Variants in UBR4 observed in about 807,000 individuals in gnomAD.
The protein encoded by UBR4 is E3 ubiquitin-protein ligase UBR4.
In UBR4, 124 loss-of-function variants were observed where a neutral mutation model predicts 575.6. That is an observed-to-expected ratio of 0.22 (90% CI 0.19 to 0.25). The LOEUF (loss-of-function observed/expected upper bound fraction) is 0.25. Among genes scored for constraint, UBR4 ranks in the 10% least tolerant of loss-of-function variants. The pLI is 1.00. For synonymous variants in UBR4, 2,455 were observed against 2,473.7 expected (o/e 0.99, Z 0.22); for missense variants, 4,818 against 6,478.8 (o/e 0.74, Z 8.80).
At position 19,121,251 on chromosome 1, in the gene UBR4, G is replaced by A; in HGVS notation, c.10079C>T (p.Thr3360Ile). Residue 3360 changes from threonine (T) to isoleucine (I), a missense_variant, in exon 68 of 106, where the codon ACA becomes ATA. Around this residue, in one of 29 missense-constraint regions of UBR4, gnomAD observed 550 missense variants for 791.5 expected, o/e 0.69. Transcript: ENST00000375254. Reference protein sequence around the residue: ...APVAASSGQATTQSKSSTKKS... With the variant: ...APVAASSGQAITQSKSSTKKS... ...TTTAGTGGAAGACTTGGACTGTGTT[G>A]TGGCTTGTCCAGAACTGGCAGCCAC... 6.2e-7 allele frequency: 1 copy of A among 1,614,102 alleles called. No individual in the cohort carries two copies. The highest frequency in any genetic ancestry group is 8.5e-7 in the Non-Finnish European group (1 of 1,180,024).
At chr1:19,178,255 G>C (rs989031910) in intron 18 of UBR4, among the ~76,000 whole-genome samples, 2 of 152,116 alleles carry the variant, frequency 1.3e-5, no homozygotes, top group African/African-American at 4.8e-5. Context: ...CAATAAAAAA[G>C]AAAATATACT....
chr1:19,149,071 C>T (rs1196088654), intron 49 of UBR4, among the ~76,000 whole-genome samples: 1 of 152,158 alleles, frequency 6.6e-6, no homozygotes, highest in African/African-American at 2.4e-5. Context: ...TGCACAAAGG[C>T]ATTTCCTAGG....
chr1:19,149,929 G>A, intron 49 of UBR4: 2 of 450,070 alleles, frequency 4.4e-6, no homozygotes, highest in South Asian at 4.7e-5. Context: ...GGAGGGAGGA[G>A]GCTGGTGGTG....
chr1:19,105,778 G>A lies in UBR4; in HGVS notation c.12458C>T (p.Ala4153Val). Residue 4153 changes from alanine to valine, a missense_variant, in exon 84 of 106, where the codon GCC becomes GTC. This residue lies in a region of UBR4 where 178 missense variants were observed against 175.5 expected (regional missense o/e 1.01). Coordinates refer to ENST00000375254, the MANE Select transcript of UBR4 (RefSeq NM_020765.3). ...QAACTIVEAL[A>V]TIPSRKQQVL... ...CTGCTGCTTGCGGCTGGGAATGGTG[G>A]CTAGAGCTTCCACAATGGTACAGGC... The A allele has an allele frequency of 6.2e-7, 1 of 1,610,742 alleles. No individual in the cohort carries two copies. Among genetic ancestry groups the A allele is most frequent in the Non-Finnish European group, 8.5e-7 (1 of 1,179,062 alleles).
rs754860771 is a variant in UBR4 at position 19,126,673 on chromosome 1, T to C, written c.9229-18A>G. On this transcript the variant is annotated intron_variant, in intron 63 of 105. Coordinates refer to ENST00000375254, the MANE Select transcript of UBR4 (RefSeq NM_020765.3). The stretch of plus-strand genomic sequence containing the variant: ...GAAGATGACTGGGAGACAGAGAAAA[T>C]ACAGAGATGGGAAGAATGGCTTGTA... The C allele has an allele frequency of 3.1e-6, 5 of 1,610,802 alleles. No individual in the cohort carries two copies. In the South Asian group the frequency reaches 5.5e-5, roughly 18 times the overall value.
At chr1:19,188,377 G>T (rs1340728602) in intron 11 of UBR4, among the ~76,000 whole-genome samples, 2 of 151,994 alleles carry the variant, frequency 1.3e-5, no homozygotes, top group East Asian at 3.9e-4. Context: ...AACATGGCAA[G>T]ACCCCATCTC....
In UBR4 at chr1:19,193,324, G is replaced by C. The variant is rs569690815; in HGVS notation, c.1143+109C>G. ...GACCTACTAGTGCCCAGGGAAAGTA[G>C]TGTGGAGAATACTCTAAGTTCTTTC... On this transcript the variant is annotated intron_variant, in intron 9 of 105. Coordinates refer to ENST00000375254, the MANE Select transcript of UBR4 (RefSeq NM_020765.3). The C allele has an allele frequency of 1.0e-4, 149 of 1,451,802 alleles. No homozygotes were observed. The African/African-American group carries it at 1.9e-3, about 19-fold the overall frequency. 89.9% of individuals were successfully genotyped at this position (1,451,802 alleles called of 1,614,324 possible).
At chr1:19,092,751 C>A in intron 97 of UBR4, 68 bp downstream of exon 97, 1 of 1,337,554 alleles carries the variant, frequency 7.5e-7, no homozygotes. Flanking sequence ...TAAGTCATGT[C>A]TCAAGGTAAA....
rs1443926199 is a variant in UBR4 at position 19,185,450 on chromosome 1, C to T, written c.1751-164G>A. ...GTATCAAAACTCATCTAAATGCATA[C>T]ATAAAATAAGAGCAAAACTGATCAT... On this transcript the variant is annotated intron_variant, in intron 14 of 105. Transcript: ENST00000375254. Among the ~76,000 whole-genome samples the T allele has an allele frequency of 3.3e-5, 5 of 151,906 alleles. No homozygotes were observed. Among genetic ancestry groups the T allele is most frequent in the African/African-American group, 9.7e-5 (4 of 41,322 alleles).
chr1:19,149,725 A>G, intron 49 of UBR4: 1 of 1,293,382 alleles, frequency 7.7e-7, no homozygotes, highest in Non-Finnish European at 1.0e-6. Context: ...TCTGACACAC[A>G]CTCACTCGTG....
chr1:19,195,969 TACACACACACACACACACAC>T (rs55820713), intron 8 of UBR4, among the ~76,000 whole-genome samples: 57 of 134,140 alleles, frequency 4.2e-4, no homozygotes, highest in Admixed American at 8.9e-4. Context: ...GACTTACTTA[TACACACACACACACACACAC>T]ACACACACAC....
At chr1:19,077,768 A>G (rs1318503088) in intron 104 of UBR4, 1 of 1,499,696 alleles carries the variant, frequency 6.7e-7, no homozygotes, top group Admixed American at 2.0e-5. Flanking sequence ...AAACAAAACC[A>G]AACAAAACAA....
chr1:19,104,912 T>C, intron 85 of UBR4, 136 bp downstream of exon 85: 2 of 1,394,610 alleles, frequency 1.4e-6, no homozygotes, highest in Admixed American at 4.5e-5. Context: ...AATGAAGTCA[T>C]AAAAATATTT....
Position 19,117,558 on chromosome 1 carries a change from C to T in UBR4, c.10630-144G>A. 2 of 1,033,716 alleles carry T rather than the reference C, an allele frequency of 1.9e-6. No homozygotes were observed. Among genetic ancestry groups the T allele is most frequent in the South Asian group, 3.4e-5 (2 of 58,606 alleles). 64.0% of individuals were successfully genotyped at this position (1,033,716 alleles called of 1,614,324 possible). A position where few individuals can be genotyped will look rare whatever the true frequency, so the allele number is the denominator to read the frequency against. ...AAAATATTTTGTAGAGATGGGGTCT[C>T]ACCATCTTGCCCAGGCTGGTCTAAA... On this transcript the variant is annotated intron_variant, in intron 72 of 105. Coordinates refer to ENST00000375254, the MANE Select transcript of UBR4 (RefSeq NM_020765.3). This position sits in a 1 kb window ranked among gnomAD's most constrained non-coding sequence, Gnocchi z 4.0.
chr1:19,109,980 CA>C, intron 81 of UBR4, 115 bp downstream of exon 81: 1 of 1,496,646 alleles, frequency 6.7e-7, no homozygotes, highest in Non-Finnish European at 9.1e-7. Flanking sequence ...TGGAGCCTCT[CA>C]GGGGAGGTGG....
intron 31 of UBR4, 49 bp from the exon 32 acceptor site, chr1:19,165,046 G>A: frequency 6.2e-7 from 1 of 1,600,822 alleles, no homozygotes; most frequent in Non-Finnish European, 8.5e-7. Context: ...GCAAGAGGAA[G>A]AGAAAGAAGG....
At chr1:19,187,673 T>G in intron 11 of UBR4, 133 bp from the exon 12 acceptor site, 1 of 700,678 alleles carries the variant, frequency 1.4e-6, no homozygotes, top group East Asian at 2.7e-5. Flanking sequence ...AAAAAAAAAT[T>G]GTACATACAT....
chr1:19,077,621 T>C (rs533555919), intron 104 of UBR4, among the ~76,000 whole-genome samples: 1 of 152,232 alleles, frequency 6.6e-6, no homozygotes, highest in African/African-American at 2.4e-5. Flanking sequence ...TAATCCCAGC[T>C]ACTTGGGAGG....
intron 60 of UBR4, among the ~76,000 whole-genome samples, chr1:19,135,520 A>T (rs2149823497): frequency 6.6e-6 from 1 of 152,312 alleles, no homozygotes; most frequent in South Asian, 2.1e-4. Context: ...CATAAACATG[A>T]TGTAGTTCTT....
Sources: gnomAD v4.1 joint callset for allele counts (sites outside exome capture counted in the v4.1 genomes callset) on GRCh38, gnomAD v4.1.1 for gene constraint, gnomAD v4.1.1 regional missense constraint, Gnocchi (gnomAD v3.1) non-coding constraint, MANE v1.5 for transcripts, NCBI Gene and HGNC (gene_info 2026-07-23, HGNC 2026-07-21) for gene names.